PRMT8: variants seen among roughly 807,000 people sequenced by gnomAD.
PRMT8 encodes the protein protein arginine methyltransferase 8, also known as protein arginine N-methyltransferase 8.
In PRMT8, 7 loss-of-function variants were observed where a neutral mutation model predicts 47.1. That is an observed-to-expected ratio of 0.15 (90% CI 0.08 to 0.28). The LOEUF (loss-of-function observed/expected upper bound fraction) is 0.28. PRMT8 is among the 10% of genes least tolerant of loss of function. The probability of loss-of-function intolerance (pLI) is 1.00; values close to 1 mark genes in which losing one functional copy is unlikely to be tolerated. For missense variants in PRMT8, 237 were observed against 505.4 expected, an observed-to-expected ratio of 0.47 and a Z score of 5.09; for synonymous variants, 188 against 186.5, an observed-to-expected ratio of 1.01 and a Z score of -0.07.
chr12:3,455,950 T>TTCTATA (rs1427930799), intron 1 of PRMT8, among the ~76,000 whole-genome samples: 2 of 152,132 alleles, frequency 1.3e-5, no homozygotes, highest in African/African-American at 4.8e-5. Context: ...GTGGTCCTAG[T>TTCTATA]TCTATATCTA....
At chr12:3,582,674 C>T (rs956941878) in intron 7 of PRMT8, among the ~76,000 whole-genome samples, 4 of 152,126 alleles carry the variant, frequency 2.6e-5, no homozygotes, top group East Asian at 1.9e-4. Flanking sequence ...ATTTTAAGAG[C>T]GATGGATGGA....
chr12:3,459,396 G>A (rs1006046522), intron 1 of PRMT8, among the ~76,000 whole-genome samples: 5 of 152,132 alleles, frequency 3.3e-5, no homozygotes, highest in African/African-American at 4.8e-5. Context: ...CCTCGATCGA[G>A]GGGAAGCTCC....
chr12:3,497,327 C>T (rs565922558), intron 1 of PRMT8, among the ~76,000 whole-genome samples: 7 of 152,154 alleles, frequency 4.6e-5, no homozygotes, highest in Non-Finnish European at 8.8e-5. Context: ...ACCACCTAAC[C>T]GAAGATGCAT....
chr12:3,420,086 G>A (rs1301590266), intron 1 of PRMT8, among the ~76,000 whole-genome samples: 1 of 151,156 alleles, frequency 6.6e-6, no homozygotes, highest in African/African-American at 2.4e-5. Flanking sequence ...TGGCTGTACT[G>A]AACCAGTGGC....
intron 4 of PRMT8, among the ~76,000 whole-genome samples, chr12:3,555,760 A>G (rs962841157): frequency 3.9e-5 from 6 of 152,126 alleles, no homozygotes; most frequent in Admixed American, 2.6e-4. Flanking sequence ...CCTGTGGGAC[A>G]TGCTTGGAGA....
At chr12:3,437,622 C>CTATATATATATATATATATATATATATA (rs57504454) in intron 1 of PRMT8, among the ~76,000 whole-genome samples, 2 of 142,820 alleles carry the variant, frequency 1.4e-5, no homozygotes, top group Non-Finnish European at 3.0e-5. Context: ...TGCATTCAGG[C>CTATATATATATATATATATATATATATA]TATATATATA....
rs60017665 is a variant in PRMT8, at chr12:3,456,525, T to C, written c.48+75083T>C. Among the ~76,000 whole-genome samples, 7,190 of 152,144 alleles carry C rather than the reference T, an allele frequency of 0.047. 546 individuals carry two copies. Among genetic ancestry groups the C allele is most frequent in the African/African-American group, 0.16 (6,604 of 41,470 alleles). The stretch of plus-strand genomic sequence containing the variant: ...AGCACACATTCGGCATCACGAGCGA[T>C]CTGTTGTGCAGCCCGATCATCCCCC... On this transcript the variant is annotated intron_variant, in intron 1 of 9. Transcript: ENST00000452611. This position sits in a 1 kb window ranked among gnomAD's most constrained non-coding sequence, Gnocchi z 4.2.
In PRMT8 at chr12:3,457,596, AC is replaced by A. The variant is rs1864988645; in HGVS notation, c.48+76156del. Among the ~76,000 whole-genome samples the A allele has an allele frequency of 2.0e-5, 3 of 152,080 alleles. No homozygotes were observed. The South Asian group carries it at 6.2e-4, about 32-fold the overall frequency. ...AGAGCTGGGATTGCAGGCGTGAGCC[AC>A]CATGGCTGACCTATGCACATCTTTG... On this transcript the variant is annotated intron_variant, in intron 1 of 9. Transcript: ENST00000452611.
At chr12:3,414,598 C>T (rs1317129597) in intron 1 of PRMT8, among the ~76,000 whole-genome samples, 1 of 152,170 alleles carries the variant, frequency 6.6e-6, no homozygotes, top group Admixed American at 6.5e-5. Context: ...AGCCTCCAAG[C>T]CCCTGCTCCC....
At chr12:3,455,869 C>CA (rs1321869551) in intron 1 of PRMT8, among the ~76,000 whole-genome samples, 1 of 152,204 alleles carries the variant, frequency 6.6e-6, no homozygotes, top group Non-Finnish European at 1.5e-5. Flanking sequence ...CCCCCTACCA[C>CA]ACCCCTCAGT....
chr12:3,426,437 G>A (rs1229171679), intron 1 of PRMT8, among the ~76,000 whole-genome samples: 1 of 152,186 alleles, frequency 6.6e-6, no homozygotes, highest in Non-Finnish European at 1.5e-5. Flanking sequence ...TGGCATAAAA[G>A]CTCTACATCT....
intron 2 of PRMT8, among the ~76,000 whole-genome samples, chr12:3,548,692 T>C (rs10732598): frequency 0.99 from 150,119 of 152,324 alleles, 74,020 homozygotes; most frequent in East Asian, 1. Flanking sequence ...TGCTAAGGTG[T>C]CTGGCTGTGA....
chr12:3,575,540 A>G (rs1036063371), intron 6 of PRMT8, among the ~76,000 whole-genome samples: 14 of 152,232 alleles, frequency 9.2e-5, no homozygotes, highest in African/African-American at 3.4e-4. Flanking sequence ...TTTAGGGGAC[A>G]TGCTGGGCTT....
At chr12:3,486,471 G>C (rs764764510), upstream of PRMT8, among the ~76,000 whole-genome samples, 28 of 152,204 alleles carry the variant, frequency 1.8e-4, no homozygotes, top group Middle Eastern at 3.4e-3. Context: ...TTGGCCCATA[G>C]TCATATAAAG....
chr12:3,487,419 G>C (rs187910718), upstream of PRMT8, among the ~76,000 whole-genome samples: 36 of 152,278 alleles, frequency 2.4e-4, no homozygotes, highest in Non-Finnish European at 4.9e-4. Flanking sequence ...AGGAAGTGTT[G>C]GTTGGCCCCT....
intron 1 of PRMT8, among the ~76,000 whole-genome samples, chr12:3,466,204 T>C (rs184950011): frequency 4.6e-5 from 7 of 152,316 alleles, no homozygotes; most frequent in African/African-American, 1.7e-4. Context: ...TTCCAGGACT[T>C]AGTCTCTGGA....
intron 1 of PRMT8, among the ~76,000 whole-genome samples, chr12:3,420,027 GAGAC>G (rs1338377505): frequency 0.012 from 413 of 34,008 alleles, 4 homozygotes; most frequent in African/African-American, 0.028. Context: ...GAGAGAGAGA[GAGAC>G]AGACAGAGAG....
At chr12:3,560,177 C>T (rs1168051026) in intron 4 of PRMT8, among the ~76,000 whole-genome samples, 1 of 152,208 alleles carries the variant, frequency 6.6e-6, no homozygotes, top group African/African-American at 2.4e-5. Context: ...GGTGTGTGTA[C>T]TCAGAGGAGG....
rs1329949404 is a variant in PRMT8 at position 3,550,108 on chromosome 12, C to T, written c.417+17C>T. 6.2e-7 allele frequency: 1 copy of T among 1,611,862 alleles called. No individual in the cohort carries two copies. Among genetic ancestry groups the T allele is most frequent in the South Asian group, 1.1e-5 (1 of 90,960 alleles). ...GTGTTTGGGGTGAGCACGCCGCTTC[C>T]TCCTGCATGCTGGCTTCCACAGAGC... On this transcript the variant is annotated intron_variant, in intron 3 of 9. Transcript: ENST00000382622. The surrounding 1 kb of genome is among the most constrained non-coding windows in gnomAD (Gnocchi z 5.1).
Sources: gnomAD v4.1 joint callset for allele counts (sites outside exome capture counted in the v4.1 genomes callset) on GRCh38, gnomAD v4.1.1 for gene constraint, Gnocchi (gnomAD v3.1) non-coding constraint, MANE v1.5 for transcripts, NCBI Gene and HGNC (gene_info 2026-07-23, HGNC 2026-07-21) for gene names.